The following GSAP variants were observed in gnomAD, a reference collection of about 807,000 sequenced individuals.
The protein encoded by GSAP is gamma-secretase-activating protein.
In GSAP, 118 loss-of-function variants were observed where a neutral mutation model predicts 131.7. The ratio of observed to expected loss-of-function variants is 0.90; its 90% CI spans 0.77 to 1.04. The LOEUF is 1.04. GSAP is among the 50% of genes least tolerant of loss of function. The pLI, the probability that GSAP is intolerant of heterozygous loss-of-function variation, is 0.00. For missense variants in GSAP, 1,019 were observed against 1,013.2 expected, an observed-to-expected ratio of 1.01 and a Z score of -0.08; for synonymous variants, 381 against 363.4, an observed-to-expected ratio of 1.05 and a Z score of -0.55.
chr7:77,375,173 C>A, intron 10 of GSAP, 72 bp from the exon 11 acceptor site: 1 of 793,448 alleles, frequency 1.3e-6, no homozygotes, highest in Non-Finnish European at 2.1e-6. Context: ...CCAGAGCAAG[C>A]CCAAGTAAAC....
At chr7:77,338,523 T>G (rs944507365) in intron 19 of GSAP, among the ~76,000 whole-genome samples, 2 of 152,206 alleles carry the variant, frequency 1.3e-5, no homozygotes, top group African/African-American at 4.8e-5. Context: ...TATCAACAAA[T>G]TTATTTCTCA....
chr7:77,350,365 T>C (rs1454297322), intron 18 of GSAP, among the ~76,000 whole-genome samples: 1 of 149,396 alleles, frequency 6.7e-6, no homozygotes, highest in Non-Finnish European at 1.5e-5. Flanking sequence ...ATGGCACATG[T>C]ATACATATGT....
chr7:77,395,702 G>A (rs1800264133), intron 5 of GSAP, among the ~76,000 whole-genome samples: 1 of 152,152 alleles, frequency 6.6e-6, no homozygotes, highest in African/African-American at 2.4e-5. Flanking sequence ...TTGCAGACTA[G>A]GCTCTGGGGA....
chr7:77,319,719 C>A (rs752159969), intron 26 of GSAP, among the ~76,000 whole-genome samples: 2 of 151,558 alleles, frequency 1.3e-5, no homozygotes, highest in Non-Finnish European at 2.9e-5. Context: ...AAAATGAAAT[C>A]CTGCTCCATG....
Position 77,378,483 on chromosome 7 carries a change from C to CA in GSAP, c.577-1094dup, listed in dbSNP as rs796713217. On this transcript the variant is annotated intron_variant, in intron 8 of 30. Coordinates refer to ENST00000257626, the MANE Select transcript of GSAP (RefSeq NM_017439.4). ...TGGGTGACAGAGCAAGAGTCCATCT[C>CA]AAAAAAAATAAAAATAAAAAACAAA... Among the ~76,000 whole-genome samples the CA allele has an allele frequency of 2.3e-3, 331 of 143,574 alleles. 5 individuals carry two copies. The highest frequency in any genetic ancestry group is 3.6e-3 in the Middle Eastern group (1 of 278). The allele number at this position is 143,574 out of a possible 152,430, so 94.2% of individuals were successfully genotyped here.
chr7:77,342,363 C>T (rs560718995), intron 19 of GSAP, among the ~76,000 whole-genome samples: 1 of 152,248 alleles, frequency 6.6e-6, no homozygotes, highest in South Asian at 2.1e-4. Context: ...CTTCAAAACC[C>T]CTTAAAACTC....
chr7:77,371,424 CTTTTT>C (rs1796096586), intron 12 of GSAP, among the ~76,000 whole-genome samples: 1 of 94,916 alleles, frequency 1.1e-5, no homozygotes, highest in African/African-American at 4.8e-5. Flanking sequence ...CGTCCTCCAT[CTTTTT>C]TCTTTTTTTT....
At chr7:77,403,888 ATTT>A (rs1291488782) in intron 3 of GSAP, among the ~76,000 whole-genome samples, 1 of 152,228 alleles carries the variant, frequency 6.6e-6, no homozygotes, top group Non-Finnish European at 1.5e-5. Context: ...AAGAAATATA[ATTT>A]TTTAGAAAAT....
At position 77,398,716 on chromosome 7, in the gene GSAP, C is replaced by T. The variant is rs184854609; in HGVS notation, c.244-1301G>A. Among the ~76,000 whole-genome samples the T allele has an allele frequency of 2.1e-4, 32 of 152,032 alleles. 1 individual carries two copies. In the South Asian group the frequency reaches 2.7e-3, roughly 13 times the overall value. On this transcript the variant is annotated intron_variant, in intron 3 of 30. Transcript: ENST00000257626. ...CCAGGAGGTCAAGACTGCTGTGAGC[C>T]GTGATTGTGCCACTGCACTCCAGCC...
At chr7:77,314,679 T>TA in intron 26 of GSAP, 190 bp from the exon 27 acceptor site, 1 of 548,378 alleles carries the variant, frequency 1.8e-6, no homozygotes, top group African/African-American at 1.9e-5. Context: ...GCTGGGTCTA[T>TA]AGTAAGTTTC....
intron 19 of GSAP, among the ~76,000 whole-genome samples, chr7:77,339,829 T>G (rs1050055073): frequency 6.6e-6 from 1 of 152,216 alleles, no homozygotes; most frequent in Non-Finnish European, 1.5e-5. Context: ...AATAGGACCT[T>G]TCCATCACTC....
intron 10 of GSAP, 23 bp downstream of exon 10, chr7:77,376,825 G>C (rs763683514): frequency 2.7e-6 from 3 of 1,122,904 alleles, no homozygotes; most frequent in Admixed American, 4.4e-5. Context: ...CTTTCCTGTA[G>C]TGTGATCATT....
chr7:77,342,991 T>A (rs1324707363), intron 19 of GSAP, among the ~76,000 whole-genome samples: 1 of 152,132 alleles, frequency 6.6e-6, no homozygotes, highest in Non-Finnish European at 1.5e-5. Context: ...CTCCTTTCCA[T>A]TCCTTAAAAA....
At chr7:77,345,573 C>A (rs539690510) in intron 19 of GSAP, among the ~76,000 whole-genome samples, 118 of 152,328 alleles carry the variant, frequency 7.7e-4, no homozygotes, top group Non-Finnish European at 1.4e-3. Flanking sequence ...TCTGCCTTAA[C>A]TGATGACATT....
chr7:77,401,755 C>T (rs893784582), intron 3 of GSAP, among the ~76,000 whole-genome samples: 1 of 152,158 alleles, frequency 6.6e-6, no homozygotes, highest in Non-Finnish European at 1.5e-5. Flanking sequence ...ATAACATTGC[C>T]TGATGAGGAT....
At chr7:77,411,378 G>A (rs934201000) in intron 1 of GSAP, among the ~76,000 whole-genome samples, 20 of 152,282 alleles carry the variant, frequency 1.3e-4, no homozygotes, top group Admixed American at 8.5e-4. Flanking sequence ...ACATATTGCA[G>A]ATCTTATTTT....
chr7:77,376,505 G>T (rs1472251438), intron 10 of GSAP, among the ~76,000 whole-genome samples: 1 of 152,226 alleles, frequency 6.6e-6, no homozygotes, highest in African/African-American at 2.4e-5. Flanking sequence ...GCTGGGCGCA[G>T]TGGCTCATGC....
At chr7:77,348,914 A>G (rs1348772622) in intron 19 of GSAP, among the ~76,000 whole-genome samples, 1 of 152,066 alleles carries the variant, frequency 6.6e-6, no homozygotes, top group Non-Finnish European at 1.5e-5. Flanking sequence ...CACATTACTT[A>G]ATGGTTTTAA....
chr7:77,335,172 C>T (rs1050301060), intron 19 of GSAP, among the ~76,000 whole-genome samples: 3 of 152,008 alleles, frequency 2.0e-5, no homozygotes, highest in South Asian at 2.1e-4. Context: ...GGCCAAGATG[C>T]GTGGATCACT....
Sources: gnomAD v4.1 joint callset for allele counts (sites outside exome capture counted in the v4.1 genomes callset) on GRCh38, gnomAD v4.1.1 for gene constraint, MANE v1.5 for transcripts, NCBI Gene and HGNC (gene_info 2026-07-23, HGNC 2026-07-21) for gene names.